The following JHY variants were observed in gnomAD, a reference collection of about 807,000 sequenced individuals.
JHY encodes the protein junctional cadherin complex regulator.
JHY carries 69 observed loss-of-function variants against 78.0 expected under a neutral mutation model. The ratio of observed to expected loss-of-function variants is 0.88; its 90% CI spans 0.73 to 1.08. JHY has a LOEUF of 1.08. JHY is among the 50% of genes least tolerant of loss of function. The probability of loss-of-function intolerance (pLI) is 0.00; values close to 1 mark genes in which losing one functional copy is unlikely to be tolerated. For missense variants in JHY, 944 were observed against 927.8 expected, an observed-to-expected ratio of 1.02 and a Z score of -0.23; for synonymous variants, 368 against 342.6, an observed-to-expected ratio of 1.07 and a Z score of -0.82.
At position 122,883,330 on chromosome 11, in the gene JHY, C is replaced by A. The variant is rs1194155064; in HGVS notation, c.-90+358C>A. On this transcript the variant is annotated intron_variant, in intron 1 of 8. Transcript: ENST00000227349. This position sits in a 1 kb window ranked among gnomAD's most constrained non-coding sequence, Gnocchi z 4.4. The stretch of plus-strand genomic sequence containing the variant: ...CAAAGGTAGAAAACCGAACGCCTCC[C>A]CTGGGCAGCTTCCGGCCTGTTTCAA... 6.6e-6 allele frequency among the ~76,000 whole-genome samples: 1 copy of A among 152,158 alleles called. No individual in the cohort carries two copies. The highest frequency in any genetic ancestry group is 1.5e-5 in the Non-Finnish European group (1 of 68,016).
intron 4 of JHY, 64 bp from the exon 5 acceptor site, chr11:122,934,348 ATAAATAAT>A (rs1863700435): frequency 1.4e-6 from 1 of 720,456 alleles, no homozygotes; most frequent in East Asian, 3.8e-5. Flanking sequence ...AAATAAATAA[ATAAATAAT>A]AAAATAAAAT....
intron 2 of JHY, among the ~76,000 whole-genome samples, chr11:122,889,299 T>A (rs1280869253): frequency 6.8e-6 from 1 of 146,262 alleles, no homozygotes; most frequent in Non-Finnish European, 1.5e-5. Flanking sequence ...GTATCTTGGG[T>A]ATCCTTCGAT....
chr11:122,929,267 T>G (rs1317585822), intron 4 of JHY, among the ~76,000 whole-genome samples: 2 of 149,444 alleles, frequency 1.3e-5, no homozygotes, highest in Non-Finnish European at 3.0e-5. Flanking sequence ...AAGCAGTACC[T>G]CCCCTCTAGG....
At chr11:122,888,887 C>T (rs886739394) in intron 2 of JHY, among the ~76,000 whole-genome samples, 14 of 152,214 alleles carry the variant, frequency 9.2e-5, no homozygotes, top group African/African-American at 3.1e-4. Context: ...TGCTTTTGAA[C>T]TAAGACATGG....
chr11:122,929,242 T>G (rs77701340), intron 4 of JHY, among the ~76,000 whole-genome samples: 37 of 112,678 alleles, frequency 3.3e-4, no homozygotes, highest in East Asian at 4.8e-4. Context: ...TGTTTTTTGT[T>G]TTTTTTTTTT....
chr11:122,947,966 C>A (rs1864000946), intron 6 of JHY, among the ~76,000 whole-genome samples: 1 of 152,134 alleles, frequency 6.6e-6, no homozygotes, highest in Admixed American at 6.5e-5. Context: ...AGGGTGGTCA[C>A]TTTGTGCACA....
At chr11:122,947,576 G>C (rs1753736675) in intron 6 of JHY, 1 of 152,172 alleles carries the variant, frequency 6.6e-6, no homozygotes, top group South Asian at 2.1e-4. Flanking sequence ...AAGGTCACTT[G>C]CTTCCAGTGT....
rs770951291 is a variant in JHY at position 122,956,597 on chromosome 11, G to A, written c.2010+21G>A. ...ACAAAGTGAGTGAGATGCACATACA[G>A]TGTTTCCAGACCTGACTCAGCCCAT... On this transcript the variant is annotated intron_variant, in intron 7 of 8. Coordinates refer to ENST00000227349, the MANE Select transcript of JHY (RefSeq NM_024806.4). 1.3e-5 allele frequency: 21 copies of A among 1,607,132 alleles called. No homozygotes were observed. The Admixed American group carries it at 3.5e-4, about 27-fold the overall frequency.
rs750910426 is a variant in JHY, at chr11:122,956,565, A to G, written c.1999A>G (p.Ile667Val). The part of the protein sequence containing the change: ...LGGLGPDFES[I>V]RDKTQKLIQQ... ...AGGCCTCGGACCTGACTTTGAGTCC[A>G]TCAGAGACAAAGTGAGTGAGATGCA... is the stretch of plus-strand genomic sequence containing the variant. Residue 667 changes from isoleucine to valine, a missense_variant, in exon 7 of 9, where the codon ATC becomes GTC. Transcript: ENST00000227349. 7.4e-6 allele frequency: 12 copies of G among 1,613,240 alleles called. No individual in the cohort carries two copies. The highest frequency in any genetic ancestry group is 2.7e-5 in the African/African-American group (2 of 74,900).
Position 122,902,437 on chromosome 11 carries a change from C to T in JHY, c.345-1488C>T, listed in dbSNP as rs562824677. ...CCAAGGTCACACCACTGCACTCCAGCCTGAGTGATAGAGCAAGACTTGTCT... is the reference window on the plus strand; with the variant it reads ...CCAAGGTCACACCACTGCACTCCAGTCTGAGTGATAGAGCAAGACTTGTCT... On this transcript the variant is annotated intron_variant, in intron 2 of 8. Coordinates refer to ENST00000227349, the MANE Select transcript of JHY (RefSeq NM_024806.4). Among the ~76,000 whole-genome samples the T allele has an allele frequency of 8.6e-5, 13 of 152,040 alleles. No individual in the cohort carries two copies. In the East Asian group the frequency reaches 2.3e-3, roughly 27 times the overall value.
At chr11:122,886,712 T>C (rs1862504550) in intron 2 of JHY, among the ~76,000 whole-genome samples, 1 of 152,192 alleles carries the variant, frequency 6.6e-6, no homozygotes. Context: ...CCTCCCAAAG[T>C]GCTATGATTA....
At chr11:122,943,338 A>C (rs1421657200) in intron 5 of JHY, among the ~76,000 whole-genome samples, 1 of 152,226 alleles carries the variant, frequency 6.6e-6, no homozygotes, top group African/African-American at 2.4e-5. Context: ...CATGATACCA[A>C]GTTTTTGATA....
intron 2 of JHY, among the ~76,000 whole-genome samples, chr11:122,896,156 C>T (rs899681645): frequency 2.0e-5 from 3 of 151,968 alleles, no homozygotes; most frequent in African/African-American, 4.8e-5. Flanking sequence ...TTTAGTCTGG[C>T]GTGTTTCTAA....
intron 5 of JHY, among the ~76,000 whole-genome samples, chr11:122,945,870 A>G (rs1424863476): frequency 1.3e-5 from 2 of 152,132 alleles, no homozygotes; most frequent in Admixed American, 1.3e-4. Context: ...AGACAGACAG[A>G]CTTGCTTGTT....
chr11:122,942,152 G>A (rs944610547), intron 5 of JHY, among the ~76,000 whole-genome samples: 42 of 151,544 alleles, frequency 2.8e-4, no homozygotes, highest in African/African-American at 9.0e-4. Flanking sequence ...GATTACAGGC[G>A]TGAGCCACCG....
intron 6 of JHY, among the ~76,000 whole-genome samples, chr11:122,955,207 G>C (rs901431059): frequency 6.6e-6 from 1 of 152,190 alleles, no homozygotes; most frequent in African/African-American, 2.4e-5. Context: ...TGCAACCTCC[G>C]CTTCCCGGGT....
In JHY at chr11:122,959,559, C is replaced by T; in HGVS notation, c.*114C>T. The T allele has an allele frequency of 9.9e-7, 1 of 1,013,486 alleles. No individual in the cohort carries two copies. Among genetic ancestry groups the T allele is most frequent in the Non-Finnish European group, 1.4e-6 (1 of 699,062 alleles). The allele number at this position is 1,013,486 out of a possible 1,614,324, so 62.8% of individuals were successfully genotyped here. Reference sequence around the variant, plus strand: ...ATGGCCTATTATTATCATCTATCTGCCGTCCATGTTTGCTTTCTGCAGGAT... The same window carrying T: ...ATGGCCTATTATTATCATCTATCTGTCGTCCATGTTTGCTTTCTGCAGGAT... On this transcript the variant is annotated 3_prime_UTR_variant, in exon 9 of 9. Coordinates refer to ENST00000227349, the MANE Select transcript of JHY (RefSeq NM_024806.4).
Position 122,956,568 on chromosome 11 carries a change from A to G in JHY, c.2002A>G (p.Arg668Gly). 1 of 1,613,224 alleles carries G rather than the reference A, an allele frequency of 6.2e-7. No homozygotes were observed. The highest frequency in any genetic ancestry group is 8.5e-7 in the Non-Finnish European group (1 of 1,179,308). Reference protein sequence around the residue: ...GGLGPDFESIRDKTQKLIQQK... With the variant: ...GGLGPDFESIGDKTQKLIQQK... ...CCTCGGACCTGACTTTGAGTCCATCAGAGACAAAGTGAGTGAGATGCACAT... is the reference window on the plus strand; with the variant it reads ...CCTCGGACCTGACTTTGAGTCCATCGGAGACAAAGTGAGTGAGATGCACAT... The change falls in exon 7 of 9, where the codon AGA becomes GGA. Residue 668 changes from arginine (R) to glycine (G), a missense_variant. Physicochemically the swap from Arg to Gly is moderately radical, Grantham distance 125. Coordinates refer to ENST00000227349, the MANE Select transcript of JHY (RefSeq NM_024806.4).
At chr11:122,929,923 AG>A (rs1004398004) in intron 4 of JHY, among the ~76,000 whole-genome samples, 32 of 152,264 alleles carry the variant, frequency 2.1e-4, no homozygotes, top group African/African-American at 5.8e-4. Context: ...GGTGACTAAA[AG>A]TTTATTGGTG....
Sources: gnomAD v4.1 joint callset for allele counts (sites outside exome capture counted in the v4.1 genomes callset) on GRCh38, gnomAD v4.1.1 for gene constraint, Gnocchi (gnomAD v3.1) non-coding constraint, MANE v1.5 for transcripts, NCBI Gene and HGNC (gene_info 2026-07-23, HGNC 2026-07-21) for gene names.